Variants in MED12L observed in about 807,000 individuals in gnomAD.
The protein encoded by MED12L is mediator of RNA polymerase II transcription subunit 12-like protein.
MED12L carries 60 observed loss-of-function variants against 281.3 expected under a neutral mutation model. The observed-to-expected ratio is 0.21, with a 90% CI of 0.17 to 0.26. MED12L has a LOEUF of 0.26. MED12L is among the 10% of genes least tolerant of loss of function. MED12L has a pLI of 1.00. For missense variants in MED12L, 2,146 were observed against 2,680.9 expected (o/e 0.80, Z 4.41); for synonymous variants, 974 against 987.2 (o/e 0.99, Z 0.25).
chr3:151,215,224 G>A (rs1304362812), intron 16 of MED12L, among the ~76,000 whole-genome samples: 1 of 151,804 alleles, frequency 6.6e-6, no homozygotes, highest in East Asian at 1.9e-4. Flanking sequence ...GCTTCCCAAA[G>A]TACATTCTAC....
intron 5 of MED12L, among the ~76,000 whole-genome samples, chr3:151,134,185 GTTGT>G (rs1390536831): frequency 2.2e-5 from 3 of 136,262 alleles, no homozygotes; most frequent in African/African-American, 9.9e-5. Flanking sequence ...CTGTTGTGGG[GTTGT>G]TTTTTTTTTT....
intron 43 of MED12L, among the ~76,000 whole-genome samples, chr3:151,423,731 G>A (rs1449084272): frequency 6.6e-6 from 1 of 152,114 alleles, no homozygotes; most frequent in Non-Finnish European, 1.5e-5. Context: ...TATGTTGACA[G>A]ACCATGATCT....
chr3:151,167,376 A>G (rs1407883366), intron 11 of MED12L, among the ~76,000 whole-genome samples: 1 of 152,218 alleles, frequency 6.6e-6, no homozygotes, highest in African/African-American at 2.4e-5. Flanking sequence ...GTTTTAAGAC[A>G]CCTTCAATAC....
chr3:151,422,168 A>G (rs995879921), intron 43 of MED12L, among the ~76,000 whole-genome samples: 5 of 152,216 alleles, frequency 3.3e-5, no homozygotes, highest in African/African-American at 1.2e-4. Context: ...TTAGAATCAT[A>G]GGAAGTGGCT....
chr3:151,392,339 G>A (rs1387029458), intron 38 of MED12L, among the ~76,000 whole-genome samples: 1 of 151,620 alleles, frequency 6.6e-6, no homozygotes, highest in East Asian at 1.9e-4. Flanking sequence ...GCATGGTGGT[G>A]CCTGAAATCC....
At chr3:151,313,869 A>C (rs1483812731) in intron 16 of MED12L, among the ~76,000 whole-genome samples, 2 of 151,972 alleles carry the variant, frequency 1.3e-5, no homozygotes, top group African/African-American at 4.8e-5. Flanking sequence ...GGTTGCAGTG[A>C]GCAAAGATCA....
intron 8 of MED12L, among the ~76,000 whole-genome samples, chr3:151,160,392 ATTG>A (rs1459590804): frequency 1.3e-5 from 2 of 152,292 alleles, no homozygotes; most frequent in Admixed American, 1.3e-4. Flanking sequence ...CAGTTGTATT[ATTG>A]TTCTTCTGGA....
At chr3:151,127,275 A>G (rs1714677093) in intron 4 of MED12L, among the ~76,000 whole-genome samples, 1 of 152,212 alleles carries the variant, frequency 6.6e-6, no homozygotes. Flanking sequence ...TATTAGGCAG[A>G]TTCACTGATC....
intron 15 of MED12L, 42 bp downstream of exon 15, chr3:151,192,696 C>A: frequency 8.2e-7 from 1 of 1,226,530 alleles, no homozygotes; most frequent in Non-Finnish European, 1.2e-6. Flanking sequence ...TAAGAATTAA[C>A]CCGTTCCCAT....
chr3:151,141,257 C>T (rs941550554), intron 5 of MED12L, among the ~76,000 whole-genome samples: 5 of 140,312 alleles, frequency 3.6e-5, no homozygotes, highest in Admixed American at 1.4e-4. Context: ...ATCCTGACCT[C>T]GTGATCCACC....
intron 37 of MED12L, among the ~76,000 whole-genome samples, chr3:151,389,287 A>G (rs1220219998): frequency 1.3e-5 from 2 of 152,212 alleles, no homozygotes; most frequent in South Asian, 2.1e-4. Flanking sequence ...CAGTCTGGTC[A>G]TGTCCCCTCT....
chr3:151,320,111 T>C (rs1018345423), intron 16 of MED12L, among the ~76,000 whole-genome samples: 8 of 152,174 alleles, frequency 5.3e-5, no homozygotes, highest in African/African-American at 1.9e-4. Context: ...CTCCCTTCTT[T>C]CTTTGGCTTT....
Position 151,128,914 on chromosome 3 carries a change from T to C in MED12L, c.556+930T>C, listed in dbSNP as rs545385742. ...AAGTCCCCAGTGTCCAGAGTTATGC[T>C]GGCCATGGTCAGTATTTTGAGTCAG... On this transcript the variant is annotated intron_variant, in intron 5 of 44. Transcript: ENST00000687756. Among the ~76,000 whole-genome samples the C allele has an allele frequency of 1.6e-4, 25 of 152,386 alleles. No homozygotes were observed. The South Asian group carries it at 3.1e-3, about 19-fold the overall frequency.
intron 5 of MED12L, among the ~76,000 whole-genome samples, chr3:151,138,470 C>T (rs1716470198): frequency 6.6e-6 from 1 of 152,012 alleles, no homozygotes; most frequent in Non-Finnish European, 1.5e-5. Flanking sequence ...AAAGTCAGTC[C>T]ATACTTTGGA....
intron 5 of MED12L, among the ~76,000 whole-genome samples, chr3:151,151,662 A>G (rs1385941733): frequency 6.6e-6 from 1 of 152,056 alleles, no homozygotes; most frequent in East Asian, 1.9e-4. Context: ...ACATTTATCC[A>G]TTAAGTTGGC....
intron 21 of MED12L, among the ~76,000 whole-genome samples, chr3:151,362,125 A>G (rs956046787): frequency 2.0e-5 from 3 of 151,734 alleles, no homozygotes; most frequent in Admixed American, 6.6e-5. Context: ...CCCATTCTTC[A>G]CCCTCTCTTT....
chr3:151,168,853 A>G (rs1576877456), intron 11 of MED12L, among the ~76,000 whole-genome samples: 1 of 151,964 alleles, frequency 6.6e-6, no homozygotes, highest in East Asian at 1.9e-4. Flanking sequence ...TTATAGGTAC[A>G]TACTACTGTG....
chr3:151,174,042 A>G (rs1721752757), intron 11 of MED12L, among the ~76,000 whole-genome samples: 1 of 152,208 alleles, frequency 6.6e-6, no homozygotes, highest in Non-Finnish European at 1.5e-5. Flanking sequence ...TTAGGAGTTT[A>G]GACTTTTTTC....
intron 16 of MED12L, among the ~76,000 whole-genome samples, chr3:151,283,674 T>C (rs981172411): frequency 6.6e-6 from 1 of 152,232 alleles, no homozygotes; most frequent in African/African-American, 2.4e-5. Context: ...TAGTACATAC[T>C]CAGAAGTATT....
Sources: gnomAD v4.1 joint callset for allele counts (sites outside exome capture counted in the v4.1 genomes callset) on GRCh38, gnomAD v4.1.1 for gene constraint, MANE v1.5 for transcripts, NCBI Gene and HGNC (gene_info 2026-07-23, HGNC 2026-07-21) for gene names.